PDE1A: variants seen among roughly 807,000 people sequenced by gnomAD.
PDE1A encodes the protein dual specificity calcium/calmodulin-dependent 3',5'-cyclic nucleotide phosphodiesterase 1A.
A neutral mutation model predicts 61.7 loss-of-function variants in PDE1A; 35 were observed. That is an observed-to-expected ratio of 0.57 (90% CI 0.43 to 0.75). The LOEUF is 0.75. Among genes scored for constraint, PDE1A ranks in the 30% least tolerant of loss-of-function variants. PDE1A has a pLI of 0.00. For missense variants in PDE1A, 597 were observed against 630.6 expected (o/e 0.95, Z 0.57); for synonymous variants, 232 against 213.2 (o/e 1.09, Z -0.77).
chr2:182,238,277 A>AAAAAAG (rs1389957278), intron 3 of PDE1A, among the ~76,000 whole-genome samples: 4 of 150,806 alleles, frequency 2.7e-5, no homozygotes, highest in African/African-American at 7.4e-5. Context: ...AAAAAAAAAA[A>AAAAAAG]AAAAAGAAAA....
chr2:182,667,263 CTAAA>C, the PDE1A span, among the ~76,000 whole-genome samples: 1 of 152,292 alleles, frequency 6.6e-6, no homozygotes, highest in African/African-American at 2.4e-5. Context: ...TCCTGCAGGT[CTAAA>C]TAGTCTGATT....
intron 7 of PDE1A, among the ~76,000 whole-genome samples, chr2:182,214,331 C>T (rs1264264680): frequency 2.0e-5 from 3 of 151,840 alleles, no homozygotes; most frequent in Non-Finnish European, 4.4e-5. Flanking sequence ...TAAAGACCAT[C>T]GAGACTAGGA....
the PDE1A span, among the ~76,000 whole-genome samples, chr2:182,697,797 G>A: frequency 6.6e-6 from 1 of 152,226 alleles, no homozygotes; most frequent in Non-Finnish European, 1.5e-5. Context: ...CCCAGTTTTA[G>A]CAGTATGGCT....
chr2:182,318,612 G>A (rs943536724), intron 1 of PDE1A, among the ~76,000 whole-genome samples: 1 of 152,052 alleles, frequency 6.6e-6, no homozygotes, highest in Non-Finnish European at 1.5e-5. Context: ...TTCATCTTGA[G>A]GCCCATATGA....
At chr2:182,674,455 T>G in the PDE1A span, among the ~76,000 whole-genome samples, 1 of 152,162 alleles carries the variant, frequency 6.6e-6, no homozygotes, top group Non-Finnish European at 1.5e-5. Flanking sequence ...TAGCTGTTTA[T>G]GTAGAACTGG....
At chr2:182,334,936 T>C (rs1015330171) in intron 1 of PDE1A, among the ~76,000 whole-genome samples, 1 of 152,172 alleles carries the variant, frequency 6.6e-6, no homozygotes, top group Non-Finnish European at 1.5e-5. Flanking sequence ...AGTCTCAGGA[T>C]ACAAAATCAA....
intron 1 of PDE1A, among the ~76,000 whole-genome samples, chr2:182,387,495 C>T (rs912944361): frequency 4.0e-5 from 6 of 151,476 alleles, no homozygotes; most frequent in East Asian, 1.9e-4. Context: ...TGGTGGCTCA[C>T]GCCTGTAATC....
At chr2:182,293,979 A>C (rs1694709492) in intron 1 of PDE1A, among the ~76,000 whole-genome samples, 1 of 152,166 alleles carries the variant, frequency 6.6e-6, no homozygotes, top group South Asian at 2.1e-4. Context: ...CTATGGTGTG[A>C]TATTAGGAGC....
chr2:182,176,662 T>C (rs1692822940), intron 13 of PDE1A, among the ~76,000 whole-genome samples: 1 of 139,704 alleles, frequency 7.2e-6, no homozygotes, highest in Non-Finnish European at 1.5e-5. Context: ...CTTTTCCTAA[T>C]TGAATACCCT....
At chr2:182,665,508 A>G in the PDE1A span, among the ~76,000 whole-genome samples, 2 of 152,340 alleles carry the variant, frequency 1.3e-5, no homozygotes, top group South Asian at 4.1e-4. Context: ...AATCAAAACC[A>G]CAATGAGATA....
chr2:182,342,567 T>C (rs548511573), intron 1 of PDE1A, among the ~76,000 whole-genome samples: 71 of 152,196 alleles, frequency 4.7e-4, no homozygotes, highest in Non-Finnish European at 7.4e-4. Flanking sequence ...CCTGTAGTCC[T>C]AGCTACTCAG....
chr2:182,347,716 C>G (rs1324239554), intron 1 of PDE1A, among the ~76,000 whole-genome samples: 1 of 151,822 alleles, frequency 6.6e-6, no homozygotes, highest in Admixed American at 6.6e-5. Flanking sequence ...AAGAAATTGC[C>G]AACTGCTAGA....
chr2:182,158,315 T>C (rs1691204130), intron 13 of PDE1A, among the ~76,000 whole-genome samples: 1 of 152,238 alleles, frequency 6.6e-6, no homozygotes, highest in South Asian at 2.1e-4. Context: ...AAGACTCATG[T>C]AACAGGTTAA....
intron 1 of PDE1A, among the ~76,000 whole-genome samples, chr2:182,368,053 C>T (rs1699932336): frequency 6.6e-6 from 1 of 152,080 alleles, no homozygotes. Flanking sequence ...TCCACTTCAA[C>T]AATTATCAAT....
chr2:182,353,430 A>G (rs188388264), intron 1 of PDE1A, among the ~76,000 whole-genome samples: 2 of 152,312 alleles, frequency 1.3e-5, no homozygotes, highest in African/African-American at 4.8e-5. Context: ...AACAAAAAAC[A>G]GTTCACTAAC....
intron 2 of PDE1A, among the ~76,000 whole-genome samples, chr2:182,243,332 T>C (rs187510307): frequency 6.6e-6 from 1 of 152,288 alleles, no homozygotes; most frequent in Non-Finnish European, 1.5e-5. Context: ...CTATGTTAGA[T>C]AAGATGATCA....
the PDE1A span, among the ~76,000 whole-genome samples, chr2:182,659,567 T>C: frequency 6.6e-6 from 1 of 152,206 alleles, no homozygotes; most frequent in African/African-American, 2.4e-5. Flanking sequence ...TATTATTTTA[T>C]GAAAACATGA....
chr2:182,354,263 T>C (rs926572405), intron 1 of PDE1A, among the ~76,000 whole-genome samples: 2 of 152,182 alleles, frequency 1.3e-5, no homozygotes, highest in Non-Finnish European at 2.9e-5. Context: ...GCCCAGCTAT[T>C]TTGTACTACA....
the PDE1A span, among the ~76,000 whole-genome samples, chr2:182,707,804 G>A: frequency 5.9e-3 from 898 of 152,194 alleles, 10 homozygotes; most frequent in African/African-American, 0.02. Flanking sequence ...CATATCAAAA[G>A]TACAGTCTAG....
Sources: gnomAD v4.1 joint callset for allele counts (sites outside exome capture counted in the v4.1 genomes callset) on GRCh38, gnomAD v4.1.1 for gene constraint, MANE v1.5 for transcripts, NCBI Gene and HGNC (gene_info 2026-07-23, HGNC 2026-07-21) for gene names.